The following NYX variants were observed in gnomAD, a reference collection of about 807,000 sequenced individuals.
The protein encoded by NYX is leucine-rich repeat protein.
For synonymous variants in NYX, 258 were observed against 245.7 expected (o/e 1.05, Z -0.47); for missense variants, 481 against 485.4 (o/e 0.99, Z 0.09).
rs2064384676 is a variant in NYX, at chrX:41,474,882, G to A, written c.1414G>A (p.Gly472Ser). Reference sequence around the variant, plus strand: ...CAGCGTGGCCCAGCACGTGGTGTTTGGCCTGCAGATGGACTGACCTGGCCA... The same window carrying A: ...CAGCGTGGCCCAGCACGTGGTGTTTAGCCTGCAGATGGACTGACCTGGCCA... ...LPSVAQHVVF[G>S]LQMD Residue 472 changes from glycine (G) to serine (S), a missense_variant, in exon 3 of 3, where the codon GGC (glycine) becomes AGC (serine). Transcript: ENST00000378220. 3.3e-6 allele frequency: 4 copies of A among 1,205,009 alleles called. No individual in the cohort carries two copies. The highest frequency in any genetic ancestry group is 4.5e-6 in the Non-Finnish European group (4 of 892,782).
At chrX:41,472,529 T>A in intron 2 of NYX, 1 of 596,064 alleles carries the variant, frequency 1.7e-6, no homozygotes, top group Non-Finnish European at 2.8e-6. Flanking sequence ...GGAACACTCC[T>A]GGATTTCAAG....
In NYX at chrX:41,473,864, G is replaced by A; in HGVS notation, c.396G>A (p.Leu132=). 9.0e-7 allele frequency: 1 copy of A among 1,114,869 alleles called. No individual in the cohort carries two copies. The highest frequency in any genetic ancestry group is 3.0e-5 in the Admixed American group (1 of 33,465). The allele number at this position is 1,114,869 out of a possible 1,213,427, so 91.9% of individuals were successfully genotyped here. Residue 132 remains leucine, a synonymous_variant, in exon 3 of 3, where the codon CTG becomes CTA. Coordinates refer to ENST00000378220, the MANE Select transcript of NYX (RefSeq NM_001378477.3). ...HARTFAALSR[L]RRLDLAACRL... is the part of the protein sequence containing the mutation. Reference sequence around the variant, plus strand: ...GCACCTTCGCGGCGCTCAGCCGCCTGCGCCGCCTAGACCTAGCAGCCTGCC... The same window carrying A: ...GCACCTTCGCGGCGCTCAGCCGCCTACGCCGCCTAGACCTAGCAGCCTGCC...
In NYX at chrX:41,473,656, A is replaced by C. The variant is rs1352979273; in HGVS notation, c.188A>C (p.Asp63Ala). 9.1e-7 allele frequency: 1 copy of C among 1,100,538 alleles called. No individual in the cohort carries two copies. Among genetic ancestry groups the C allele is most frequent in the Non-Finnish European group, 1.2e-6 (1 of 845,369 alleles). 90.7% of individuals were successfully genotyped at this position (1,100,538 alleles called of 1,213,427 possible). ...AELPCEAVSI[D>A]LDRNGLRFLG... ...CTCCCGTGCGAGGCGGTCTCCATCG[A>C]CCTGGACCGGAACGGCCTGCGCTTC... The change falls in exon 3 of 3, where the codon GAC (aspartate) becomes GCC (alanine). Residue 63 changes from aspartate to alanine, a missense_variant. By Grantham distance (126) the Asp-to-Ala change is moderately radical (BLOSUM62 -2). Coordinates refer to ENST00000378220, the MANE Select transcript of NYX (RefSeq NM_001378477.3).
At chrX:41,458,148 C>T (rs1444392116) in intron 2 of NYX, among the ~76,000 whole-genome samples, 11 of 111,316 alleles carry the variant, frequency 9.9e-5, no homozygotes, top group Non-Finnish European at 1.7e-4. Flanking sequence ...AGAGGCCTCA[C>T]GACCTAACCA....
At chrX:41,461,261 A>G (rs1388912400) in intron 2 of NYX, among the ~76,000 whole-genome samples, 1 of 108,921 alleles carries the variant, frequency 9.2e-6, no homozygotes, top group Non-Finnish European at 1.9e-5. Context: ...ATGAGTGAGA[A>G]TGCATGATAT....
At chrX:41,468,399 C>CT (rs929098424) in intron 2 of NYX, among the ~76,000 whole-genome samples, 1 of 108,085 alleles carries the variant, frequency 9.3e-6, no homozygotes, top group African/African-American at 3.4e-5. Context: ...TCAAGTGATT[C>CT]TTATGCCTCA....
At chrX:41,451,213 G>A (rs938544738) in intron 2 of NYX, among the ~76,000 whole-genome samples, 19 of 111,863 alleles carry the variant, frequency 1.7e-4, no homozygotes, top group African/African-American at 6.2e-4. Flanking sequence ...ATACATTGCT[G>A]CTGGGAATGT....
chrX:41,447,849 G>T lies in NYX; in HGVS notation c.-56G>T. On this transcript the variant is annotated splice_region_variant and 5_prime_UTR_variant, in exon 2 of 3. Coordinates refer to ENST00000378220, the MANE Select transcript of NYX (RefSeq NM_001378477.3). ...GGTGACCTGTCCTTTCTCCCCTCAG[G>T]TAGGGGTCCCACGGCTGGGTGGTCC... 2 of 1,204,831 alleles carry T rather than the reference G, an allele frequency of 1.7e-6. No homozygotes were observed. Among genetic ancestry groups the T allele is most frequent in the Non-Finnish European group, 2.2e-6 (2 of 890,038 alleles).
chrX:41,453,316 C>T (rs918900211), intron 2 of NYX, among the ~76,000 whole-genome samples: 3 of 111,184 alleles, frequency 2.7e-5, no homozygotes, highest in Non-Finnish European at 3.8e-5. Flanking sequence ...CCAGGACACC[C>T]GATAGGGACA....
intron 2 of NYX, among the ~76,000 whole-genome samples, chrX:41,458,718 C>T (rs962159030): frequency 4.7e-5 from 5 of 106,794 alleles, no homozygotes; most frequent in Non-Finnish European, 9.7e-5. Flanking sequence ...CTACCCACCT[C>T]AGCCTCCCAA....
At position 41,473,525 on chromosome X, in the gene NYX, G is replaced by C. The variant is rs1054600525; in HGVS notation, c.57G>C (p.Val19=). The C allele has an allele frequency of 1.1e-4, 107 of 995,387 alleles. No individual in the cohort carries two copies. The highest frequency in any genetic ancestry group is 1.4e-4 in the Non-Finnish European group (107 of 787,620). The allele number at this position is 995,387 out of a possible 1,213,427, so 82.0% of individuals were successfully genotyped here. A position where few individuals can be genotyped will look rare whatever the true frequency, so the allele number is the denominator to read the frequency against. Residue 19 remains valine (V), a synonymous_variant, in exon 3 of 3, where the codon GTG becomes GTC. Coordinates refer to ENST00000378220, the MANE Select transcript of NYX (RefSeq NM_001378477.3). ...TCGGCCTGCCCAGCGCCTGGGCCGT[G>C]GGGGCCTGCGCCCGCGCTTGTCCCG... is the stretch of plus-strand genomic sequence containing the variant. ...VVLGLPSAWA[V]GACARACPAA...
At position 41,472,250 on chromosome X, in the gene NYX, C is replaced by G. The variant is rs1297671552; in HGVS notation, c.23-1241C>G. ...GCTTAGCCTCAAGCAAAAAGGTGAA[C>G]AATATCTTTATGGCTTGAAGGTATA... On this transcript the variant is annotated intron_variant, in intron 2 of 2. Coordinates refer to ENST00000378220, the MANE Select transcript of NYX (RefSeq NM_001378477.3). The G allele has an allele frequency of 7.0e-6, 7 of 1,004,086 alleles. No individual in the cohort carries two copies. The African/African-American group carries it at 1.3e-4, about 19-fold the overall frequency. The allele number at this position is 1,004,086 out of a possible 1,213,427, so 82.7% of individuals were successfully genotyped here. A position where few individuals can be genotyped will look rare whatever the true frequency, so the allele number is the denominator to read the frequency against.
At chrX:41,466,189 G>T (rs751321188) in intron 2 of NYX, among the ~76,000 whole-genome samples, 2 of 111,701 alleles carry the variant, frequency 1.8e-5, no homozygotes, top group South Asian at 7.4e-4. Context: ...CAGCACTTTG[G>T]GAGGCCGAGG....
At chrX:41,450,828 A>ATTT (rs745395959) in intron 2 of NYX, among the ~76,000 whole-genome samples, 3 of 68,216 alleles carry the variant, frequency 4.4e-5, no homozygotes, top group Non-Finnish European at 7.8e-5. Context: ...ATATATATAT[A>ATTT]TTTTTTTTTT....
intron 2 of NYX, among the ~76,000 whole-genome samples, chrX:41,462,145 G>T (rs1467235935): frequency 8.9e-6 from 1 of 111,934 alleles, no homozygotes; most frequent in Admixed American, 9.6e-5. Context: ...CTTCTTTTGT[G>T]AATTATCCAA....
intron 2 of NYX, 29 bp downstream of exon 2, chrX:41,447,955 G>T: frequency 8.3e-7 from 1 of 1,198,443 alleles, no homozygotes. Context: ...GGGTGCAAGG[G>T]TTGGGAAGAG....
In NYX at chrX:41,473,601, C is replaced by G. The variant is rs765886362; in HGVS notation, c.133C>G (p.Arg45Gly). 6 of 1,021,069 alleles carry G rather than the reference C, an allele frequency of 5.9e-6. No individual in the cohort carries two copies. The African/African-American group carries it at 1.2e-4, about 21-fold the overall frequency. 84.1% of individuals were successfully genotyped at this position (1,021,069 alleles called of 1,213,427 possible). A position where few individuals can be genotyped will look rare whatever the true frequency, so the allele number is the denominator to read the frequency against. ...GCGCGGCTGCTCGGTGCGCTGCGAC[C>G]GCGCGGGCCTCCTGCGGGTGCCGGC... ...VERGCSVRCD[R>G]AGLLRVPAEL... Residue 45 changes from arginine (R) to glycine (G), a missense_variant, in exon 3 of 3, where the codon CGC becomes GGC. By Grantham distance (125) the Arg-to-Gly change is moderately radical. Coordinates refer to ENST00000378220, the MANE Select transcript of NYX (RefSeq NM_001378477.3).
intron 2 of NYX, among the ~76,000 whole-genome samples, chrX:41,466,359 TG>T (rs2064337946): frequency 4.2e-5 from 1 of 24,005 alleles, no homozygotes; most frequent in African/African-American, 1.6e-4. Flanking sequence ...AGGTCAAGAC[TG>T]TGGTGAACCG....
rs2147026628 is a variant in NYX, at chrX:41,474,713, G to T, written c.1245G>T (p.Leu415=). ...GGTTCAGCAGCCTCCTCTCCAAGCT[G>T]CTGGCCCCGAGGGTCCCGGTGGAGG... is the stretch of plus-strand genomic sequence containing the variant. ...VSRFSSLLSK[L]LAPRVPVEEA... is the part of the protein sequence containing the mutation. The change falls in exon 3 of 3, where the codon CTG becomes CTT. Residue 415 remains leucine, a synonymous_variant. Transcript: ENST00000378220. 1.7e-6 allele frequency: 2 copies of T among 1,197,287 alleles called. No homozygotes were observed. Among genetic ancestry groups the T allele is most frequent in the Non-Finnish European group, 1.1e-6 (1 of 889,735 alleles).
Sources: gnomAD v4.1 joint callset for allele counts (sites outside exome capture counted in the v4.1 genomes callset) on GRCh38, gnomAD v4.1.1 for gene constraint, MANE v1.5 for transcripts, NCBI Gene and HGNC (gene_info 2026-07-23, HGNC 2026-07-21) for gene names.